SDK1: variants seen among roughly 807,000 people sequenced by gnomAD.
SDK1 encodes the protein protein sidekick-1.
A neutral mutation model predicts 245.5 loss-of-function variants in SDK1; 157 were observed. That is an observed-to-expected ratio of 0.64 (90% confidence interval 0.56 to 0.73). SDK1 has a LOEUF of 0.73. Among genes scored for constraint, SDK1 ranks in the 30% least tolerant of loss-of-function variants. The pLI, the probability that SDK1 is intolerant of heterozygous loss-of-function variation, is 0.00. For missense variants in SDK1, 3,583 were observed against 3,002.3 expected (o/e 1.19, Z -4.52); for synonymous variants, 1,647 against 1,278.5 (o/e 1.29, Z -6.15).
At chr7:3,942,598 A>G (rs1780408457) in intron 5 of SDK1, among the ~76,000 whole-genome samples, 1 of 151,994 alleles carries the variant, frequency 6.6e-6, no homozygotes. Context: ...GTTTTAAAAA[A>G]ATGTTTTCTC....
intron 42 of SDK1, among the ~76,000 whole-genome samples, chr7:4,240,709 T>G (rs1306608512): frequency 6.6e-6 from 1 of 152,108 alleles, no homozygotes; most frequent in Non-Finnish European, 1.5e-5. Context: ...TGGACTTAAG[T>G]CTGTACCTCA....
At chr7:3,351,151 C>T (rs1780649962) in intron 1 of SDK1, among the ~76,000 whole-genome samples, 1 of 152,110 alleles carries the variant, frequency 6.6e-6, no homozygotes, top group Admixed American at 6.5e-5. Flanking sequence ...TAATGGGCAG[C>T]CTTGTACTTC....
At chr7:3,771,903 A>G (rs545741099) in intron 4 of SDK1, among the ~76,000 whole-genome samples, 2 of 152,310 alleles carry the variant, frequency 1.3e-5, no homozygotes, top group East Asian at 3.9e-4. Flanking sequence ...CCATTAAACA[A>G]TAACTCCTAA....
chr7:4,148,752 A>C (rs1257993771), intron 29 of SDK1, among the ~76,000 whole-genome samples: 1 of 152,148 alleles, frequency 6.6e-6, no homozygotes, highest in East Asian at 1.9e-4. Context: ...AGTGCATCCG[A>C]AGTCAGCCTT....
chr7:4,073,162 CCT>C (rs1031922185), intron 20 of SDK1, among the ~76,000 whole-genome samples: 6 of 152,158 alleles, frequency 3.9e-5, no homozygotes, highest in African/African-American at 1.4e-4. Flanking sequence ...GCTCCGGGCG[CCT>C]CTCTCCTCTC....
chr7:3,641,483 A>C (rs1044138594), intron 3 of SDK1, among the ~76,000 whole-genome samples: 4 of 152,158 alleles, frequency 2.6e-5, no homozygotes, highest in Admixed American at 6.5e-5. Flanking sequence ...ATTGCTCCCA[A>C]AAGATCTGTG....
At chr7:4,138,989 A>C (rs1444756569) in intron 28 of SDK1, among the ~76,000 whole-genome samples, 1 of 152,182 alleles carries the variant, frequency 6.6e-6, no homozygotes, top group Non-Finnish European at 1.5e-5. Flanking sequence ...CATACATTCA[A>C]GGGGTGCCCC....
chr7:3,619,555 A>G (rs1781870728), intron 2 of SDK1, among the ~76,000 whole-genome samples: 1 of 152,246 alleles, frequency 6.6e-6, no homozygotes, highest in South Asian at 2.1e-4. Context: ...TCCAAGGGCA[A>G]CAGCCCTACC....
chr7:4,144,200 C>G (rs1236863650), intron 28 of SDK1, among the ~76,000 whole-genome samples: 1 of 152,120 alleles, frequency 6.6e-6, no homozygotes, highest in Non-Finnish European at 1.5e-5. Flanking sequence ...CTCGGTCAGT[C>G]AGTGACTGGG....
chr7:3,808,907 T>G (rs1320516458), intron 4 of SDK1, among the ~76,000 whole-genome samples: 2 of 152,210 alleles, frequency 1.3e-5, no homozygotes, highest in African/African-American at 4.8e-5. Flanking sequence ...TCTTCATTGT[T>G]GATGGTGTTT....
rs555956038 is a variant in SDK1, at chr7:4,052,769, G to A, written c.2911+939G>A. 1.4e-4 allele frequency among the ~76,000 whole-genome samples: 21 copies of A among 152,178 alleles called. No individual in the cohort carries two copies. The South Asian group carries it at 4.4e-3, about 32-fold the overall frequency. On this transcript the variant is annotated intron_variant, in intron 19 of 44. Transcript: ENST00000404826. ...ATTTTCTAGTTTCTACCACGAGTCT[G>A]TACTCCCTCTGTAATGAAAGTTAAA...
intron 26 of SDK1, among the ~76,000 whole-genome samples, chr7:4,128,414 C>T (rs574959281): frequency 4.6e-5 from 7 of 152,340 alleles, no homozygotes; most frequent in South Asian, 4.1e-4. Context: ...CCCCGAGAAA[C>T]GCGCTTGCTG....
intron 5 of SDK1, among the ~76,000 whole-genome samples, chr7:3,827,297 C>A (rs1476025412): frequency 6.6e-6 from 1 of 152,106 alleles, no homozygotes; most frequent in Non-Finnish European, 1.5e-5. Flanking sequence ...ATTTTCAGTC[C>A]TTTCATATTC....
chr7:3,560,030 C>T (rs530776384), intron 1 of SDK1, among the ~76,000 whole-genome samples: 2 of 152,324 alleles, frequency 1.3e-5, no homozygotes, highest in East Asian at 3.9e-4. Flanking sequence ...CAGGAGATAG[C>T]TCAAAGCAAC....
intron 8 of SDK1, among the ~76,000 whole-genome samples, chr7:3,961,798 G>A (rs889754775): frequency 1.4e-4 from 22 of 152,200 alleles, no homozygotes; most frequent in South Asian, 2.1e-4. Flanking sequence ...ACCAGGTGCC[G>A]GGCATGAGTT....
intron 17 of SDK1, among the ~76,000 whole-genome samples, chr7:4,035,042 A>G (rs1261800428): frequency 6.6e-6 from 1 of 152,210 alleles, no homozygotes; most frequent in Non-Finnish European, 1.5e-5. Flanking sequence ...GCAGTGGCAC[A>G]GTCTTGGCTC....
rs530377320 is a variant in SDK1, at chr7:4,241,023, A to G, written c.6131-770A>G. ...TGAGCCGGGAAAACCCAGTGCAATT[A>G]TTTTTTATGTTGTTCGGTTTTTCAG... is the stretch of plus-strand genomic sequence containing the variant. On this transcript the variant is annotated intron_variant, in intron 42 of 44. Coordinates refer to ENST00000404826, the MANE Select transcript of SDK1 (RefSeq NM_152744.4). Among the ~76,000 whole-genome samples the G allele has an allele frequency of 5.6e-4, 86 of 152,244 alleles. 1 individual carries two copies. The highest frequency in any genetic ancestry group is 1.7e-3 in the African/African-American group (72 of 41,552).
At chr7:3,407,982 C>G (rs1779097359) in intron 1 of SDK1, among the ~76,000 whole-genome samples, 1 of 151,964 alleles carries the variant, frequency 6.6e-6, no homozygotes, top group Admixed American at 6.6e-5. Context: ...AGAGAGAGAA[C>G]CTAAAAAGAC....
chr7:4,215,935 C>A (rs962959124), intron 38 of SDK1, among the ~76,000 whole-genome samples: 1 of 152,184 alleles, frequency 6.6e-6, no homozygotes, highest in Non-Finnish European at 1.5e-5. Flanking sequence ...GCAGAGACCA[C>A]ATGTCCTGCC....
Sources: gnomAD v4.1 joint callset for allele counts (sites outside exome capture counted in the v4.1 genomes callset) on GRCh38, gnomAD v4.1.1 for gene constraint, MANE v1.5 for transcripts, NCBI Gene and HGNC (gene_info 2026-07-23, HGNC 2026-07-21) for gene names.